KCNC2: variants seen among roughly 807,000 people sequenced by gnomAD.
KCNC2 encodes the protein voltage-gated potassium channel KCNC2.
A neutral mutation model predicts 44.5 loss-of-function variants in KCNC2; 21 were observed. That is an observed-to-expected ratio of 0.47 (90% CI 0.33 to 0.68). The LOEUF (loss-of-function observed/expected upper bound fraction) is 0.68, where lower values mean the gene tolerates loss of function less well. Ranked by LOEUF, KCNC2 falls within the 30% of genes least tolerant of loss-of-function variation. KCNC2 has a pLI of 0.01. For missense variants in KCNC2, 589 were observed against 826.2 expected (o/e 0.71, Z 3.52); for synonymous variants, 391 against 339.1 (o/e 1.15, Z -1.68).
intron 2 of KCNC2, among the ~76,000 whole-genome samples, chr12:75,153,014 A>T (rs569881072): frequency 1.8e-4 from 27 of 152,164 alleles, no homozygotes; most frequent in Non-Finnish European, 3.2e-4. Flanking sequence ...GACAGTGGGA[A>T]AAGTGGCAAC....
At chr12:75,136,321 A>C (rs1175743058) in intron 2 of KCNC2, among the ~76,000 whole-genome samples, 1 of 152,050 alleles carries the variant, frequency 6.6e-6, no homozygotes, top group Admixed American at 6.6e-5. Context: ...TAGTAGAAAA[A>C]AAGAAATAAC....
At chr12:75,203,121 A>T (rs1212585063) in intron 2 of KCNC2, among the ~76,000 whole-genome samples, 10 of 151,934 alleles carry the variant, frequency 6.6e-5, no homozygotes, top group Admixed American at 3.3e-4. Context: ...ACAAGACTTA[A>T]TACATTTTCT....
intron 2 of KCNC2, among the ~76,000 whole-genome samples, chr12:75,084,451 G>T (rs1433026223): frequency 6.6e-6 from 1 of 151,914 alleles, no homozygotes; most frequent in Non-Finnish European, 1.5e-5. Flanking sequence ...ATTGAATCAT[G>T]GGGGTCAGTC....
chr12:75,137,696 A>G (rs141687268), intron 2 of KCNC2, among the ~76,000 whole-genome samples: 1 of 152,342 alleles, frequency 6.6e-6, no homozygotes, highest in African/African-American at 2.4e-5. Context: ...TTTACAGTCA[A>G]TATGACCTTT....
chr12:75,051,162 G>C lies in KCNC2; in HGVS notation c.843C>G (p.Ala281=). 1 of 1,613,744 alleles carries C rather than the reference G, an allele frequency of 6.2e-7. No homozygotes were observed. The highest frequency in any genetic ancestry group is 2.2e-5 in the East Asian group (1 of 44,856). ...VLQYEIETDP[A]LTYVEGVCVV... is the part of the protein sequence containing the mutation. ...CACACACTCCTTCTACATACGTCAA[G>C]GCAGGATCCGTTTCAATTTCATACT... Residue 281 remains alanine (A), a synonymous_variant, in exon 3 of 5, where the codon GCC becomes GCG. Coordinates refer to ENST00000549446, the MANE Select transcript of KCNC2 (RefSeq NM_139137.4).
intron 2 of KCNC2, among the ~76,000 whole-genome samples, chr12:75,062,314 C>T (rs143978858): frequency 2.0e-5 from 3 of 152,198 alleles, no homozygotes; most frequent in African/African-American, 7.2e-5. Context: ...TATGCATACA[C>T]ATGCATGAAA....
intron 2 of KCNC2, among the ~76,000 whole-genome samples, chr12:75,167,809 T>C (rs1891557654): frequency 6.6e-6 from 1 of 151,340 alleles, no homozygotes. Context: ...ATAACCCCTA[T>C]TTTATAATAA....
intron 2 of KCNC2, among the ~76,000 whole-genome samples, chr12:75,102,047 C>T (rs185682612): frequency 6.6e-6 from 1 of 152,020 alleles, no homozygotes; most frequent in African/African-American, 2.4e-5. Context: ...AGAATAATTT[C>T]TTTGCATGCA....
At chr12:75,142,727 G>C (rs1325034963) in intron 2 of KCNC2, among the ~76,000 whole-genome samples, 1 of 152,176 alleles carries the variant, frequency 6.6e-6, no homozygotes, top group Non-Finnish European at 1.5e-5. Context: ...GCCCCTACAA[G>C]GGTTGCTTAG....
chr12:75,044,776 T>C (rs1284510761), intron 4 of KCNC2: 11 of 152,068 alleles, frequency 7.2e-5, no homozygotes, highest in African/African-American at 2.6e-4. Flanking sequence ...AGATAGAAAT[T>C]TATGTCATCC....
Position 75,102,758 on chromosome 12 carries a change from T to C in KCNC2, c.688-51441A>G, listed in dbSNP as rs578162793. On this transcript the variant is annotated intron_variant, in intron 2 of 4. Coordinates refer to ENST00000549446, the MANE Select transcript of KCNC2 (RefSeq NM_139137.4). ...AGAAAAAAGTACGTTCCTACAAACA[T>C]AGTGAGCTTTGAGTGGGCTTTAGAG... Among the ~76,000 whole-genome samples the C allele has an allele frequency of 3.9e-5, 6 of 152,160 alleles. No homozygotes were observed. In the East Asian group the frequency reaches 1.2e-3, roughly 29 times the overall value.
Position 75,149,566 on chromosome 12 carries a change from G to A in KCNC2, c.687+57731C>T, listed in dbSNP as rs551536432. Among the ~76,000 whole-genome samples the A allele has an allele frequency of 4.6e-5, 7 of 151,930 alleles. No individual in the cohort carries two copies. In the East Asian group the frequency reaches 5.8e-4, roughly 13 times the overall value. The stretch of plus-strand genomic sequence containing the variant: ...AAGAAATGATCAGCGGATGTGGTAT[G>A]TCTGTCCACAAACATTTTAGTTCAA... On this transcript the variant is annotated intron_variant, in intron 2 of 4. Coordinates refer to ENST00000549446, the MANE Select transcript of KCNC2 (RefSeq NM_139137.4).
chr12:75,208,996 A>C (rs1435182634), intron 1 of KCNC2, among the ~76,000 whole-genome samples: 1 of 151,928 alleles, frequency 6.6e-6, no homozygotes, highest in Non-Finnish European at 1.5e-5. Context: ...GCTCGGGGAA[A>C]AGCTGCTTGG....
intron 2 of KCNC2, among the ~76,000 whole-genome samples, chr12:75,102,863 C>T (rs934113672): frequency 5.3e-5 from 8 of 152,136 alleles, no homozygotes; most frequent in African/African-American, 1.9e-4. Context: ...GAAACCATGC[C>T]TTCAATCTTA....
chr12:75,050,691 C>G lies in KCNC2; in HGVS notation c.1314G>C (p.Leu438=). ...FWWAVVTMTT[L]GYGDMYPQTW... is the part of the protein sequence containing the mutation. ...TTTGGGGGTACATATCCCCATAACC[C>G]AGGGTAGTCATGGTCACTACAGCCC... The change falls in exon 3 of 5, where the codon CTG becomes CTC. Residue 438 remains leucine, a synonymous_variant. Transcript: ENST00000549446. 1 of 1,613,430 alleles carries G rather than the reference C, an allele frequency of 6.2e-7. No individual in the cohort carries two copies. The highest frequency in any genetic ancestry group is 8.5e-7 in the Non-Finnish European group (1 of 1,179,822).
At chr12:75,050,303 G>T in intron 3 of KCNC2, 87 bp downstream of exon 3, 1 of 989,398 alleles carries the variant, frequency 1.0e-6, no homozygotes, top group Non-Finnish European at 1.5e-6. Context: ...ATGAACATTT[G>T]CAGAAAATGA....
intron 2 of KCNC2, among the ~76,000 whole-genome samples, chr12:75,193,172 G>C (rs2446344): frequency 0.49 from 74,307 of 151,992 alleles, 20,569 homozygotes; most frequent in African/African-American, 0.77. Flanking sequence ...TAGTCCAACT[G>C]TAGTTGAAGA....
At chr12:75,138,640 G>C (rs1355662499) in intron 2 of KCNC2, among the ~76,000 whole-genome samples, 2 of 152,006 alleles carry the variant, frequency 1.3e-5, no homozygotes, top group African/African-American at 4.8e-5. Flanking sequence ...ATTAGAAGAA[G>C]GAATTCAAAG....
intron 2 of KCNC2, among the ~76,000 whole-genome samples, chr12:75,187,352 T>A (rs537867266): frequency 1.3e-5 from 2 of 152,352 alleles, no homozygotes; most frequent in African/African-American, 4.8e-5. Flanking sequence ...ATTTAAAATA[T>A]GTTTGGAAGT....
Sources: gnomAD v4.1 joint callset for allele counts (sites outside exome capture counted in the v4.1 genomes callset) on GRCh38, gnomAD v4.1.1 for gene constraint, MANE v1.5 for transcripts, NCBI Gene and HGNC (gene_info 2026-07-23, HGNC 2026-07-21) for gene names.